Variants in GPR180 observed in about 807,000 individuals in gnomAD.
GPR180 encodes the protein G protein-coupled receptor 180, also known as integral membrane protein GPR180.
Under a neutral mutation model 52.6 loss-of-function variants are expected in GPR180, and 53 were observed. The observed-to-expected ratio is 1.01, with a 90% CI of 0.81 to 1.27. GPR180 has a LOEUF of 1.27. GPR180 is among the 50% of genes most tolerant of loss of function. The pLI is 0.00. For synonymous variants in GPR180, 200 were observed against 193.1 expected (o/e 1.04, Z -0.30); for missense variants, 533 against 527.0 (o/e 1.01, Z -0.11).
rs1464810283 is a variant in GPR180, at chr13:94,629,008, C to CT, written c.*1838dup. On this transcript the variant is annotated 3_prime_UTR_variant, in exon 9 of 9. Transcript: ENST00000376958. ...TATTACTCTGCTTGCATTTATGAAACTAACCAGTTTTTTAAACTTTAATTC... is the reference window on the plus strand; with the variant it reads ...TATTACTCTGCTTGCATTTATGAAACTTAACCAGTTTTTTAAACTTTAATTC... The CT allele has an allele frequency of 1.3e-5, 2 of 152,068 alleles. No homozygotes were observed. The highest frequency in any genetic ancestry group is 2.9e-5 in the Non-Finnish European group (2 of 67,942). 9.4% of individuals were successfully genotyped at this position (152,068 alleles called of 1,614,324 possible).
Position 94,629,259 on chromosome 13 carries a change from T to TAATTAAG in GPR180, c.*2094_*2095insGAATTAA, listed in dbSNP as rs1353864927. On this transcript the variant is annotated 3_prime_UTR_variant, in exon 9 of 9. Transcript: ENST00000376958. Reference sequence around the variant, plus strand: ...AAAGTTAAGTGTATACTACAAACTCTAATTAAAGATAAAAATCTTTTCTAC... The same window carrying TAATTAAG: ...AAAGTTAAGTGTATACTACAAACTCTAATTAAGAATTAAAGATAAAAATCTTTTCTAC... The TAATTAAG allele has an allele frequency of 6.6e-6, 1 of 152,198 alleles. No individual in the cohort carries two copies. Among genetic ancestry groups the TAATTAAG allele is most frequent in the African/African-American group, 2.4e-5 (1 of 41,474 alleles). The allele number at this position is 152,198 out of a possible 1,614,324, so 9.4% of individuals were successfully genotyped here.
chr13:94,619,624 CAGCTTGACTG>C (rs1889827129), intron 5 of GPR180, 107 bp downstream of exon 5: 1 of 908,748 alleles, frequency 1.1e-6, no homozygotes, highest in Admixed American at 2.4e-5. Context: ...GTTTAGAAAT[CAGCTTGACTG>C]AGAACAGGAT....
At chr13:94,615,638 T>C (rs144945492) in intron 3 of GPR180, among the ~76,000 whole-genome samples, 51 of 152,332 alleles carry the variant, frequency 3.3e-4, no homozygotes, top group African/African-American at 1.2e-3. Context: ...TTTAAAAGAT[T>C]AGAATCCTTG....
intron 3 of GPR180, among the ~76,000 whole-genome samples, chr13:94,614,027 C>T (rs992445104): frequency 6.6e-6 from 1 of 152,052 alleles, no homozygotes; most frequent in South Asian, 2.1e-4. Flanking sequence ...TACAGGCACC[C>T]ACCACTACAC....
At position 94,601,881 on chromosome 13, in the gene GPR180, C is replaced by T. The variant is rs763374044; in HGVS notation, c.-47C>T. The T allele has an allele frequency of 2.2e-6, 3 of 1,338,618 alleles. No individual in the cohort carries two copies. Among genetic ancestry groups the T allele is most frequent in the Admixed American group, 3.8e-5 (1 of 26,300 alleles). 82.9% of individuals were successfully genotyped at this position (1,338,618 alleles called of 1,614,324 possible). A position where few individuals can be genotyped will look rare whatever the true frequency, so the allele number is the denominator to read the frequency against. On this transcript the variant is annotated 5_prime_UTR_variant, in exon 1 of 9. Transcript: ENST00000376958. ...CAGCTGCCGACGTGGGGCGGGCAGC[C>T]GCCGGCGGCTGGGAGCCGAGGCGTC...
chr13:94,619,407 TTTGA>T, intron 4 of GPR180, 57 bp from the exon 5 acceptor site: 1 of 1,602,890 alleles, frequency 6.2e-7, no homozygotes, highest in South Asian at 1.1e-5. Flanking sequence ...TTATGCTTGC[TTTGA>T]TTATAAACAA....
Position 94,625,965 on chromosome 13 carries a change from G to A in GPR180, c.1087-1G>A. ...TTATTTCACTTTTTCCTTTGTTTCA[G>A]GGCTGTATCTTGTGGTTTTTATGCC... On this transcript the variant is annotated splice_acceptor_variant, in intron 7 of 8. Transcript: ENST00000376958. LOFTEE classifies it high-confidence loss of function. The A allele has an allele frequency of 6.2e-7, 1 of 1,609,664 alleles. No homozygotes were observed. Among genetic ancestry groups the A allele is most frequent in the Non-Finnish European group, 8.5e-7 (1 of 1,177,064 alleles).
chr13:94,626,780 CT>C (rs1889934067), intron 8 of GPR180, among the ~76,000 whole-genome samples: 1 of 152,028 alleles, frequency 6.6e-6, no homozygotes, highest in Non-Finnish European at 1.5e-5. Context: ...GCAAGTTATT[CT>C]TTTGTGCCTT....
intron 3 of GPR180, among the ~76,000 whole-genome samples, chr13:94,614,446 G>C (rs543794795): frequency 9.0e-4 from 137 of 152,152 alleles, no homozygotes; most frequent in Non-Finnish European, 1.3e-3. Flanking sequence ...TCCATTTTTG[G>C]TCTTTTTCTT....
chr13:94,606,495 CAT>C (rs1396911236), intron 2 of GPR180, among the ~76,000 whole-genome samples: 1 of 152,172 alleles, frequency 6.6e-6, no homozygotes, highest in Non-Finnish European at 1.5e-5. Flanking sequence ...AAATGAAGAA[CAT>C]GTGCCATTGT....
chr13:94,606,989 C>T (rs1033926133), intron 2 of GPR180, among the ~76,000 whole-genome samples: 5 of 152,168 alleles, frequency 3.3e-5, no homozygotes, highest in Admixed American at 6.5e-5. Flanking sequence ...AAGGTCATGT[C>T]CTTCAGTTCC....
At chr13:94,602,571 G>C (rs1239890616) in intron 1 of GPR180, among the ~76,000 whole-genome samples, 1 of 147,446 alleles carries the variant, frequency 6.8e-6, no homozygotes, top group Non-Finnish European at 1.5e-5. Flanking sequence ...ACTTGATAAT[G>C]TAGTTGTTAT....
rs1374106486 is a variant in GPR180, at chr13:94,631,809, T to G, written c.*4638T>G. On this transcript the variant is annotated 3_prime_UTR_variant, in exon 9 of 9. Coordinates refer to ENST00000376958, the MANE Select transcript of GPR180 (RefSeq NM_180989.6). ...TAAAAATCTTGACTAGTCAAGTAGT[T>G]GTCATAAAACATCAGTTACGAGAGG... The G allele has an allele frequency of 6.6e-6, 1 of 151,982 alleles. No individual in the cohort carries two copies. Among genetic ancestry groups the G allele is most frequent in the Admixed American group, 6.6e-5 (1 of 15,240 alleles). 9.4% of individuals were successfully genotyped at this position (151,982 alleles called of 1,614,324 possible).
intron 2 of GPR180, among the ~76,000 whole-genome samples, chr13:94,611,770 T>C (rs1201700723): frequency 3.9e-5 from 6 of 151,984 alleles, no homozygotes; most frequent in African/African-American, 1.2e-4. Context: ...ATGACCAATG[T>C]GCCCGGCCAC....
Position 94,612,344 on chromosome 13 carries a change from A to G in GPR180, c.459A>G (p.Pro153=), listed in dbSNP as rs74900909. The part of the protein sequence containing the change: ...DIPFEMVLLN[P]DAEGNPFDHF... ...CATTTGAAATGGTGTTACTAAACCC[A>G]GATGCCGAAGGGAATCCATTTGATC... The change falls in exon 3 of 9, where the codon CCA becomes CCG. Residue 153 remains proline, a synonymous_variant. Transcript: ENST00000376958. 9,495 of 1,613,630 alleles carry G rather than the reference A, an allele frequency of 5.9e-3. 303 individuals are homozygous for G. The East Asian group carries it at 0.092, about 16-fold the overall frequency.
At position 94,621,116 on chromosome 13, in the gene GPR180, C is replaced by T. The variant is rs1889846283; in HGVS notation, c.775C>T (p.Leu259Phe). 6.2e-7 allele frequency: 1 copy of T among 1,610,896 alleles called. No individual in the cohort carries two copies. The highest frequency in any genetic ancestry group is 8.5e-7 in the Non-Finnish European group (1 of 1,179,426). Reference sequence around the variant, plus strand: ...TTCCCAAATTCAGATGTTATACTTACTTTTGAGTCTATGCATGGGTTGGAC... The same window carrying T: ...TTCCCAAATTCAGATGTTATACTTATTTTTGAGTCTATGCATGGGTTGGAC... ...IASQIQMLYL[L>F]LSLCMGWTIV... The change falls in exon 6 of 9, where the codon CTT becomes TTT. Residue 259 changes from leucine (L) to phenylalanine (F), a missense_variant. By Grantham distance (22) the Leu-to-Phe change is conservative. Coordinates refer to ENST00000376958, the MANE Select transcript of GPR180 (RefSeq NM_180989.6).
intron 3 of GPR180, among the ~76,000 whole-genome samples, chr13:94,613,801 C>T (rs955669054): frequency 6.6e-6 from 1 of 150,954 alleles, no homozygotes; most frequent in African/African-American, 2.4e-5. Context: ...TTTGGAAAGG[C>T]ATTGATGGAA....
At chr13:94,609,857 A>G (rs1365805431) in intron 2 of GPR180, among the ~76,000 whole-genome samples, 7 of 152,112 alleles carry the variant, frequency 4.6e-5, no homozygotes, top group South Asian at 4.1e-4. Flanking sequence ...TTAACCACCA[A>G]TGAACGAAAT....
Position 94,605,430 on chromosome 13 carries a change from C to T in GPR180, c.185C>T (p.Ala62Val). ...ALLCVRINNI[A>V]VAVGKEAKLY... ...CTGTGTGTCAGAATCAACAACATAGCAGTAGCTGTTGGAAAAGAAGCTAAA... is the reference window on the plus strand; with the variant it reads ...CTGTGTGTCAGAATCAACAACATAGTAGTAGCTGTTGGAAAAGAAGCTAAA... The change falls in exon 2 of 9, where the codon GCA becomes GTA. Residue 62 changes from alanine (A) to valine (V), a missense_variant. By Grantham distance (64) the Ala-to-Val change is moderately conservative. Transcript: ENST00000376958. The T allele has an allele frequency of 1.2e-6, 2 of 1,613,988 alleles. No individual in the cohort carries two copies. The highest frequency in any genetic ancestry group is 1.7e-6 in the Non-Finnish European group (2 of 1,179,932).
Sources: allele counts gnomAD v4.1 joint callset (sites outside exome capture counted in the v4.1 genomes callset), GRCh38; gene constraint gnomAD v4.1.1; transcripts MANE v1.5; gene names NCBI Gene and HGNC (gene_info 2026-07-23, HGNC 2026-07-21).